The following INTS7 variants were observed in gnomAD, a reference collection of about 807,000 sequenced individuals.
INTS7 encodes the protein chromosome 1 open reading frame 73.
A neutral mutation model predicts 109.2 loss-of-function variants in INTS7; 46 were observed. The ratio of observed to expected loss-of-function variants is 0.42; its 90% CI spans 0.33 to 0.54. The LOEUF (loss-of-function observed/expected upper bound fraction) is 0.54, where lower values mean the gene tolerates loss of function less well. INTS7 is among the 20% of genes least tolerant of loss of function. The probability of loss-of-function intolerance (pLI) is 0.07; values close to 1 mark genes in which losing one functional copy is unlikely to be tolerated. For synonymous variants in INTS7, 412 were observed against 402.9 expected (o/e 1.02, Z -0.27); for missense variants, 929 against 1,132.4 (o/e 0.82, Z 2.58).
intron 16 of INTS7, among the ~76,000 whole-genome samples, chr1:211,953,962 G>A (rs1051217502): frequency 5.9e-5 from 9 of 152,182 alleles, no homozygotes; most frequent in Non-Finnish European, 8.8e-5. Context: ...CTAGATCCCT[G>A]AGGAATTGCC....
chr1:212,035,297 C>G (rs1384538711), intron 1 of INTS7, 47 bp downstream of exon 1: 11 of 1,298,172 alleles, frequency 8.5e-6, no homozygotes, highest in Non-Finnish European at 1.2e-5. Flanking sequence ...GGTGGCGCCA[C>G]TTCCCCCCAC....
intron 16 of INTS7, among the ~76,000 whole-genome samples, chr1:211,958,449 T>A (rs544340539): frequency 3.3e-5 from 5 of 152,272 alleles, no homozygotes; most frequent in African/African-American, 1.2e-4. Flanking sequence ...CTTTAAAAAA[T>A]TTTTCTCTTT....
Position 211,959,832 on chromosome 1 carries a change from G to A in INTS7, c.2183+6598C>T, listed in dbSNP as rs1484010771. 2.0e-5 allele frequency among the ~76,000 whole-genome samples: 3 copies of A among 152,128 alleles called. No individual in the cohort carries two copies. Among genetic ancestry groups the A allele is most frequent in the Non-Finnish European group, 2.9e-5 (2 of 68,028 alleles). On this transcript the variant is annotated intron_variant, in intron 16 of 19. Coordinates refer to ENST00000366994, the MANE Select transcript of INTS7 (RefSeq NM_015434.4). The surrounding 1 kb of genome is among the most constrained non-coding windows in gnomAD (Gnocchi z 4.2). ...CTTATACTACCACTAGTGCCATGGCGTGCAGTTACCAACAGGGTTCCCCTG... is the reference window on the plus strand; with the variant it reads ...CTTATACTACCACTAGTGCCATGGCATGCAGTTACCAACAGGGTTCCCCTG...
intron 16 of INTS7, among the ~76,000 whole-genome samples, chr1:211,954,247 GT>G (rs900356503): frequency 1.3e-5 from 2 of 152,080 alleles, no homozygotes; most frequent in African/African-American, 2.4e-5. Flanking sequence ...TGATGGGGTT[GT>G]TTTTTTCTTG....
At chr1:211,978,772 G>A (rs1012924758) in intron 10 of INTS7, among the ~76,000 whole-genome samples, 1 of 152,186 alleles carries the variant, frequency 6.6e-6, no homozygotes, top group African/African-American at 2.4e-5. Context: ...AAGAAAGATG[G>A]AAATCATAAG....
chr1:211,995,121 A>T (rs928113316), intron 7 of INTS7, among the ~76,000 whole-genome samples: 2 of 148,872 alleles, frequency 1.3e-5, no homozygotes, highest in African/African-American at 5.2e-5. Flanking sequence ...CATAATTTTC[A>T]TTCTTAATGT....
intron 11 of INTS7, 144 bp downstream of exon 11, chr1:211,978,128 C>T: frequency 2.1e-6 from 2 of 932,454 alleles, no homozygotes; most frequent in South Asian, 3.2e-5. Flanking sequence ...TTGACATCAG[C>T]ACACTCTTTG....
rs752858682 is a variant in INTS7, at chr1:212,021,077, A to G, written c.224+6T>C. ...TTTAGGACATCGAGAATTTAAAAAG[A>G]CTTACCCAACTCTGAAAACATCAGC... On this transcript the variant is annotated splice_donor_region_variant and intron_variant, in intron 2 of 19. Coordinates refer to ENST00000366994, the MANE Select transcript of INTS7 (RefSeq NM_015434.4). The G allele has an allele frequency of 4.4e-6, 7 of 1,596,704 alleles. No individual in the cohort carries two copies. The Admixed American group carries it at 1.3e-4, about 29-fold the overall frequency.
chr1:212,020,790 C>A, intron 2 of INTS7: 1 of 946,440 alleles, frequency 1.1e-6, no homozygotes, highest in Non-Finnish European at 1.3e-6. Context: ...TCAGAAACTT[C>A]TCAAAAACAA....
chr1:212,021,139 T>C lies in INTS7; in HGVS notation c.168A>G (p.Pro56=). 1.9e-6 allele frequency: 3 copies of C among 1,612,638 alleles called. No individual in the cohort carries two copies. Among genetic ancestry groups the C allele is most frequent in the South Asian group, 1.1e-5 (1 of 91,002 alleles). ...ATGCAGAATTGATAAGAATAGGGAA[T>C]GGATACTTCTGAAAAAGTCTGGGAA... ...VRFPRLFQKY[P]FPILINSAFL... The change falls in exon 2 of 20, where the codon CCA becomes CCG. Residue 56 remains proline (P), a synonymous_variant. Coordinates refer to ENST00000366994, the MANE Select transcript of INTS7 (RefSeq NM_015434.4).
intron 12 of INTS7, among the ~76,000 whole-genome samples, chr1:211,976,111 G>A (rs1016984452): frequency 1.3e-5 from 2 of 152,042 alleles, no homozygotes; most frequent in Non-Finnish European, 2.9e-5. Context: ...CAGGATTTCT[G>A]TACTAACCAA....
In INTS7 at chr1:211,978,584, T is replaced by C. The variant is rs1303396429; in HGVS notation, c.1231-73A>G. 5.2e-6 allele frequency: 8 copies of C among 1,550,396 alleles called. 1 individual carries two copies. The highest frequency in any genetic ancestry group is 7.0e-6 in the Non-Finnish European group (8 of 1,135,568). On this transcript the variant is annotated intron_variant, in intron 10 of 19. Transcript: ENST00000366994. ...TGAAGCTTTAAGGAAAAGAGCTTTG[T>C]ACAGGTTACTGGGGAAACTCAAGGG...
rs773639674 is a variant in INTS7 at position 211,942,108 on chromosome 1, G to A, written c.2605C>T (p.Pro869Ser). Reference sequence around the variant, plus strand: ...ATCTCATTGGTCATGTTGTCAATGGGTATCTGCAATGAAACAATTGTTAAC... The same window carrying A: ...ATCTCATTGGTCATGTTGTCAATGGATATCTGCAATGAAACAATTGTTAAC... The part of the protein sequence containing the change: ...QSKSGQDYKI[P>S]IDNMTNEMEQ... Residue 869 changes from proline (P) to serine (S), a missense_variant, in exon 20 of 20, where the codon CCC (proline) becomes TCC (serine). Coordinates refer to ENST00000366994, the MANE Select transcript of INTS7 (RefSeq NM_015434.4). The surrounding 1 kb of genome is among the most constrained non-coding windows in gnomAD (Gnocchi z 4.2). The A allele has an allele frequency of 3.1e-6, 5 of 1,612,520 alleles. No individual in the cohort carries two copies. Among genetic ancestry groups the A allele is most frequent in the Non-Finnish European group, 4.2e-6 (5 of 1,178,910 alleles).
intron 17 of INTS7, among the ~76,000 whole-genome samples, chr1:211,950,881 G>A (rs1663053919): frequency 6.6e-6 from 1 of 152,154 alleles, no homozygotes; most frequent in Non-Finnish European, 1.5e-5. Flanking sequence ...TTTTTAGGAT[G>A]GAGCTTAGAA....
intron 16 of INTS7, among the ~76,000 whole-genome samples, chr1:211,960,399 CCT>C (rs1031252251): frequency 3.3e-5 from 5 of 152,140 alleles, no homozygotes; most frequent in African/African-American, 1.2e-4. Flanking sequence ...AGCCAGAATG[CCT>C]TTTTTCTTCC....
intron 4 of INTS7, among the ~76,000 whole-genome samples, chr1:212,011,786 TG>T (rs1666176298): frequency 6.6e-6 from 1 of 152,234 alleles, no homozygotes; most frequent in South Asian, 2.1e-4. Flanking sequence ...CTGAACATGG[TG>T]GATATTCAGT....
At chr1:212,007,162 A>G in intron 6 of INTS7, 88 bp downstream of exon 6, 1 of 956,052 alleles carries the variant, frequency 1.0e-6, no homozygotes, top group Non-Finnish European at 1.6e-6. Context: ...AATGTCCTCA[A>G]GACTTGTGGG....
intron 8 of INTS7, among the ~76,000 whole-genome samples, chr1:211,985,851 CT>C (rs1365601341): frequency 1.8e-4 from 28 of 152,302 alleles, no homozygotes; most frequent in Non-Finnish European, 3.4e-4. Context: ...TATCACAGCT[CT>C]TTCAAAGTGC....
At chr1:211,982,465 C>T (rs182999700) in intron 9 of INTS7, among the ~76,000 whole-genome samples, 471 of 152,218 alleles carry the variant, frequency 3.1e-3, no homozygotes, top group Non-Finnish European at 4.9e-3. Flanking sequence ...TAAAACCTTT[C>T]AATTCCACTC....
Sources: gnomAD v4.1 joint callset for allele counts (sites outside exome capture counted in the v4.1 genomes callset) on GRCh38, gnomAD v4.1.1 for gene constraint, Gnocchi (gnomAD v3.1) non-coding constraint, MANE v1.5 for transcripts, NCBI Gene and HGNC (gene_info 2026-07-23, HGNC 2026-07-21) for gene names.